The following VGLL4 variants were observed in gnomAD, a reference collection of about 807,000 sequenced individuals.
VGLL4 encodes the protein transcription cofactor vestigial-like protein 4.
A neutral mutation model predicts 21.0 loss-of-function variants in VGLL4; 7 were observed. That is an observed-to-expected ratio of 0.33 (90% CI 0.19 to 0.63). VGLL4 has a LOEUF of 0.63. VGLL4 is among the 20% of genes least tolerant of loss of function. VGLL4 has a pLI of 0.78. For synonymous variants in VGLL4, 222 were observed against 173.2 expected (o/e 1.28, Z -2.21); for missense variants, 394 against 425.7 (o/e 0.93, Z 0.66).
intron 1 of VGLL4, among the ~76,000 whole-genome samples, chr3:11,632,035 G>A (rs1051698587): frequency 2.6e-5 from 4 of 152,130 alleles, no homozygotes; most frequent in African/African-American, 9.7e-5. Flanking sequence ...AAAATTCACT[G>A]AACTTGGCCG....
chr3:11,677,104 A>G (rs907327096), intron 2 of VGLL4, among the ~76,000 whole-genome samples: 2 of 152,166 alleles, frequency 1.3e-5, no homozygotes, highest in African/African-American at 2.4e-5. Flanking sequence ...TGTTTTCAGT[A>G]TTTTACAACA....
rs767522356 is a variant in VGLL4 at position 11,602,040 on chromosome 3, A to T, written c.83-18T>A. On this transcript the variant is annotated intron_variant, in intron 1 of 4. Coordinates refer to ENST00000430365, the MANE Select transcript of VGLL4 (RefSeq NM_001128219.3). Reference sequence around the variant, plus strand: ...AGCTTCGCCTACGCAGAGAGAGATGATGTAGTCACTAAGCAGGAGAAAGGC... The same window carrying T: ...AGCTTCGCCTACGCAGAGAGAGATGTTGTAGTCACTAAGCAGGAGAAAGGC... 5.9e-6 allele frequency: 9 copies of T among 1,518,804 alleles called. No individual in the cohort carries two copies. In the Admixed American group the frequency reaches 1.6e-4, roughly 28 times the overall value. The allele number at this position is 1,518,804 out of a possible 1,614,324, so 94.1% of individuals were successfully genotyped here. A position where few individuals can be genotyped will look rare whatever the true frequency, so the allele number is the denominator to read the frequency against.
At chr3:11,601,171 C>A (rs966185070) in intron 2 of VGLL4, among the ~76,000 whole-genome samples, 3 of 152,164 alleles carry the variant, frequency 2.0e-5, no homozygotes, top group Admixed American at 1.3e-4. Context: ...TGGTTTCAGC[C>A]CGTGTTTCAC....
intron 2 of VGLL4, among the ~76,000 whole-genome samples, chr3:11,587,864 TGA>T (rs1341550519): frequency 6.6e-6 from 1 of 152,200 alleles, no homozygotes; most frequent in East Asian, 1.9e-4. Context: ...GGCTTCTTAC[TGA>T]GAGTCAACAC....
At chr3:11,683,120 G>A (rs112639057) in intron 2 of VGLL4, among the ~76,000 whole-genome samples, 8,854 of 151,890 alleles carry the variant, frequency 0.058, 434 homozygotes, top group East Asian at 0.21. Flanking sequence ...CCAGCTACTC[G>A]GGAGGCTGAG....
chr3:11,635,539 ACT>A (rs1321162832), intron 1 of VGLL4, among the ~76,000 whole-genome samples: 1 of 152,116 alleles, frequency 6.6e-6, no homozygotes, highest in Non-Finnish European at 1.5e-5. Context: ...TCTCCCACTC[ACT>A]CTCTCTTTAT....
chr3:11,715,459 T>G (rs1431381566), intron 1 of VGLL4, among the ~76,000 whole-genome samples: 3 of 152,050 alleles, frequency 2.0e-5, no homozygotes, highest in Admixed American at 6.6e-5. Context: ...TCAGCCTCCC[T>G]AGTAGTTGGG....
intron 1 of VGLL4, among the ~76,000 whole-genome samples, chr3:11,608,538 G>A (rs2074995770): frequency 6.6e-6 from 1 of 152,098 alleles, no homozygotes; most frequent in Admixed American, 6.6e-5. Flanking sequence ...AATGAAAAGA[G>A]AGAATCACCT....
At chr3:11,617,199 T>C (rs889942741) in intron 1 of VGLL4, among the ~76,000 whole-genome samples, 10 of 152,118 alleles carry the variant, frequency 6.6e-5, no homozygotes, top group African/African-American at 2.2e-4. Flanking sequence ...TTAGAAATGA[T>C]GGGTATGAGC....
intron 1 of VGLL4, chr3:11,627,201 T>TGCACACACACACAC (rs2075366292): frequency 2.8e-5 from 4 of 140,760 alleles, no homozygotes; most frequent in Admixed American, 2.8e-4. Context: ...GTTTGTTTTA[T>TGCACACACACACAC]ACACACACAC....
intron 1 of VGLL4, among the ~76,000 whole-genome samples, chr3:11,628,427 T>C (rs1291446093): frequency 6.6e-6 from 1 of 151,812 alleles, no homozygotes; most frequent in Non-Finnish European, 1.5e-5. Flanking sequence ...CATCGAATTG[T>C]ACCCTAAAAA....
intron 2 of VGLL4, among the ~76,000 whole-genome samples, chr3:11,682,829 A>C (rs532336054): frequency 5.3e-5 from 8 of 152,268 alleles, no homozygotes; most frequent in Admixed American, 1.3e-4. Flanking sequence ...AAGATTGAAC[A>C]AGAGGACAAT....
chr3:11,638,966 G>A (rs1350020828), intron 1 of VGLL4, among the ~76,000 whole-genome samples: 4 of 152,196 alleles, frequency 2.6e-5, no homozygotes, highest in Admixed American at 2.6e-4. Flanking sequence ...CTAAAACAAT[G>A]AACCGTTCTA....
intron 1 of VGLL4, among the ~76,000 whole-genome samples, chr3:11,640,395 G>C (rs2125328595): frequency 6.6e-6 from 1 of 152,254 alleles, no homozygotes; most frequent in South Asian, 2.1e-4. Flanking sequence ...GGCAAAACTG[G>C]GCTTCAAGTG....
chr3:11,714,952 A>G (rs1047159689), intron 1 of VGLL4, among the ~76,000 whole-genome samples: 114 of 151,910 alleles, frequency 7.5e-4, no homozygotes, highest in Non-Finnish European at 7.9e-4. Flanking sequence ...TGGCTAACAC[A>G]GTGAAACCCC....
rs993922275 is a variant in VGLL4 at position 11,568,219 on chromosome 3, A to C, written c.273-3200T>G. ...ATGTCCAAAGCCAAAGTCGTGGTACATAAGGCACTGCCCACCCCTCGCACC... is the reference window on the plus strand; with the variant it reads ...ATGTCCAAAGCCAAAGTCGTGGTACCTAAGGCACTGCCCACCCCTCGCACC... On this transcript the variant is annotated intron_variant, in intron 2 of 4. Transcript: ENST00000430365. This position sits in a 1 kb window ranked among gnomAD's most constrained non-coding sequence, Gnocchi z 5.9. Among the ~76,000 whole-genome samples the C allele has an allele frequency of 2.0e-5, 3 of 152,216 alleles. No homozygotes were observed. The highest frequency in any genetic ancestry group is 4.4e-5 in the Non-Finnish European group (3 of 68,036).
intron 1 of VGLL4, among the ~76,000 whole-genome samples, chr3:11,716,201 C>A (rs528077819): frequency 4.6e-5 from 7 of 150,786 alleles, no homozygotes; most frequent in African/African-American, 1.2e-4. Context: ...ACTCGGGAGG[C>A]TGAGGCAGGA....
chr3:11,674,804 A>G (rs1182757488), intron 2 of VGLL4, among the ~76,000 whole-genome samples: 1 of 152,184 alleles, frequency 6.6e-6, no homozygotes, highest in African/African-American at 2.4e-5. Flanking sequence ...TTGAAAAAGG[A>G]AGGGGAGAAA....
chr3:11,644,922 G>A (rs569455932), upstream of VGLL4, among the ~76,000 whole-genome samples: 268 of 151,626 alleles, frequency 1.8e-3, no homozygotes, highest in African/African-American at 6.4e-3. Context: ...TAAGCAAATA[G>A]GGCTATAATA....
Sources: gnomAD v4.1 joint callset for allele counts (sites outside exome capture counted in the v4.1 genomes callset) on GRCh38, gnomAD v4.1.1 for gene constraint, Gnocchi (gnomAD v3.1) non-coding constraint, MANE v1.5 for transcripts, NCBI Gene and HGNC (gene_info 2026-07-23, HGNC 2026-07-21) for gene names.